Variants in POU2F3 observed in about 807,000 individuals in gnomAD.
The protein encoded by POU2F3 is POU class 2 homeobox 3.
Under a neutral mutation model 59.2 loss-of-function variants are expected in POU2F3, and 23 were observed. The observed-to-expected ratio is 0.39, with a 90% CI of 0.28 to 0.55. The LOEUF is 0.55. POU2F3 is among the 20% of genes least tolerant of loss of function. POU2F3 has a pLI of 0.66. For synonymous variants in POU2F3, 190 were observed against 214.6 expected, an observed-to-expected ratio of 0.89 and a Z score of 1.00; for missense variants, 473 against 544.5, an observed-to-expected ratio of 0.87 and a Z score of 1.31.
At chr11:120,250,985 A>G (rs1244006962) in intron 2 of POU2F3, among the ~76,000 whole-genome samples, 1 of 152,056 alleles carries the variant, frequency 6.6e-6, no homozygotes, top group African/African-American at 2.4e-5. Flanking sequence ...TCAAAAAAAA[A>G]AAAACAGGGT....
At chr11:120,286,937 A>C (rs956566948) in intron 3 of POU2F3, among the ~76,000 whole-genome samples, 1 of 152,112 alleles carries the variant, frequency 6.6e-6, no homozygotes, top group African/African-American at 2.4e-5. Flanking sequence ...TAACATTCTT[A>C]GCCACAGTGG....
At chr11:120,288,128 C>CAAAAAAAA in intron 3 of POU2F3, among the ~76,000 whole-genome samples, 3,489 of 63,094 alleles carry the variant, frequency 0.055, 276 homozygotes, top group Admixed American at 0.11. Context: ...ACAAAAAAAC[C>CAAAAAAAA]AAAAAAAAAA....
intron 10 of POU2F3, among the ~76,000 whole-genome samples, chr11:120,313,308 C>T (rs752645566): frequency 6.6e-6 from 1 of 152,246 alleles, no homozygotes; most frequent in Non-Finnish European, 1.5e-5. Context: ...TACTGAGCAC[C>T]TGCAACGTTC....
At chr11:120,283,572 G>A (rs749509201) in intron 3 of POU2F3, among the ~76,000 whole-genome samples, 2 of 152,114 alleles carry the variant, frequency 1.3e-5, no homozygotes, top group South Asian at 2.1e-4. Flanking sequence ...GGAAGCTCCC[G>A]AAAGCAGAGA....
At chr11:120,297,933 G>A (rs931281665) in intron 3 of POU2F3, among the ~76,000 whole-genome samples, 1 of 148,864 alleles carries the variant, frequency 6.7e-6, no homozygotes, top group Non-Finnish European at 1.5e-5. Flanking sequence ...ACCATGCCTG[G>A]CTATTTTTTT....
intron 3 of POU2F3, among the ~76,000 whole-genome samples, chr11:120,291,848 G>A (rs796533702): frequency 6.8e-5 from 10 of 146,166 alleles, no homozygotes; most frequent in South Asian, 2.2e-4. Context: ...TAGCTCTGTC[G>A]CCCAGGCTGG....
intron 10 of POU2F3, among the ~76,000 whole-genome samples, chr11:120,312,536 C>T (rs1376330690): frequency 6.6e-6 from 1 of 152,188 alleles, no homozygotes; most frequent in African/African-American, 2.4e-5. Context: ...AGTGTGGGAT[C>T]ATAATGGGCC....
intron 6 of POU2F3, chr11:120,304,122 C>CCAGGAGTTTG (rs1341288928): frequency 6.6e-6 from 1 of 151,924 alleles, no homozygotes; most frequent in Non-Finnish European, 1.5e-5. Flanking sequence ...TCACTTGAGC[C>CCAGGAGTTTG]CAGGAGTTTG....
At chr11:120,294,308 C>CT in intron 3 of POU2F3, among the ~76,000 whole-genome samples, 1 of 152,328 alleles carries the variant, frequency 6.6e-6, no homozygotes, top group Admixed American at 6.5e-5. Context: ...GTGGCTGTGG[C>CT]AGGGCAGAGC....
Position 120,299,657 on chromosome 11 carries a change from G to T in POU2F3, c.292G>T (p.Val98Leu), listed in dbSNP as rs1591433355. Residue 98 changes from valine (V) to leucine (L), a missense_variant, in exon 5 of 13, where the codon GTG (valine) becomes TTG (leucine). Val to Leu is a conservative substitution (Grantham distance 32, BLOSUM62 1). Coordinates refer to ENST00000543440, the MANE Select transcript of POU2F3 (RefSeq NM_014352.4). ...TTCCCTCCATCCGCTCCAGCAGCTT[G>T]TGCTGGTTCCCGGCCACTTACAGTC... ...MASLHPLQQL[V>L]LVPGHLQSVS... is the part of the protein sequence containing the mutation. The T allele has an allele frequency of 1.2e-6, 2 of 1,613,902 alleles. No homozygotes were observed. Among genetic ancestry groups the T allele is most frequent in the East Asian group, 2.2e-5 (1 of 44,882 alleles).
At chr11:120,312,547 A>G (rs1941678085) in intron 10 of POU2F3, among the ~76,000 whole-genome samples, 1 of 152,216 alleles carries the variant, frequency 6.6e-6, no homozygotes, top group East Asian at 1.9e-4. Flanking sequence ...ATAATGGGCC[A>G]TGGATGCTGA....
chr11:120,299,303 T>C (rs77810230), intron 4 of POU2F3, among the ~76,000 whole-genome samples: 10,986 of 152,290 alleles, frequency 0.072, 482 homozygotes, highest in South Asian at 0.14. Flanking sequence ...AGATGGGTCA[T>C]ACCCAGGCTT....
At chr11:120,261,142 G>GT (rs11306771) in intron 2 of POU2F3, 39 of 143,636 alleles carry the variant, frequency 2.7e-4, no homozygotes, top group Non-Finnish European at 3.1e-4. Flanking sequence ...TGGAGACATG[G>GT]TTTTTTTTTT....
intron 3 of POU2F3, among the ~76,000 whole-genome samples, chr11:120,287,308 A>G (rs960519011): frequency 6.6e-6 from 1 of 152,210 alleles, no homozygotes; most frequent in African/African-American, 2.4e-5. Context: ...GGACTGTCAA[A>G]CGTATTTATG....
chr11:120,269,306 C>T, intron 3 of POU2F3, 62 bp downstream of exon 3: 2 of 1,338,348 alleles, frequency 1.5e-6, no homozygotes, highest in Non-Finnish European at 2.1e-6. Context: ...CCTATACTGT[C>T]TGGTATGGAG....
intron 3 of POU2F3, among the ~76,000 whole-genome samples, chr11:120,296,537 T>C (rs1362091041): frequency 4.6e-5 from 7 of 152,228 alleles, no homozygotes; most frequent in Admixed American, 4.6e-4. Context: ...TTATTTTTCC[T>C]GATCCTCTCC....
intron 3 of POU2F3, among the ~76,000 whole-genome samples, chr11:120,274,306 G>A (rs1940231552): frequency 6.6e-6 from 1 of 152,156 alleles, no homozygotes; most frequent in Non-Finnish European, 1.5e-5. Flanking sequence ...TCTGTCTCAC[G>A]GGGTTATTGT....
At chr11:120,258,438 G>A (rs919996257) in intron 2 of POU2F3, among the ~76,000 whole-genome samples, 1 of 152,144 alleles carries the variant, frequency 6.6e-6, no homozygotes, top group African/African-American at 2.4e-5. Context: ...TTTGCTGGTC[G>A]CATGACTTTT....
At chr11:120,257,421 C>G (rs1939387293) in intron 2 of POU2F3, among the ~76,000 whole-genome samples, 1 of 152,062 alleles carries the variant, frequency 6.6e-6, no homozygotes, top group Non-Finnish European at 1.5e-5. Flanking sequence ...CACCACGTGA[C>G]CTGCTCCTGC....
Sources: allele counts gnomAD v4.1 joint callset (sites outside exome capture counted in the v4.1 genomes callset), GRCh38; gene constraint gnomAD v4.1.1; transcripts MANE v1.5; gene names NCBI Gene and HGNC (gene_info 2026-07-23, HGNC 2026-07-21).